SORCS2: variants seen among roughly 807,000 people sequenced by gnomAD.
The protein encoded by SORCS2 is sortilin related VPS10 domain containing receptor 2, also known as VPS10 domain-containing receptor SorCS2.
SORCS2 carries 100 observed loss-of-function variants against 141.6 expected under a neutral mutation model. That is an observed-to-expected ratio of 0.71 (90% CI 0.60 to 0.83). SORCS2 has a LOEUF of 0.83. SORCS2 is among the 40% of genes least tolerant of loss of function. The pLI, the probability that SORCS2 is intolerant of heterozygous loss-of-function variation, is 0.00. For synonymous variants in SORCS2, 789 were observed against 676.9 expected, an observed-to-expected ratio of 1.17 and a Z score of -2.57; for missense variants, 1,646 against 1,560.2, an observed-to-expected ratio of 1.05 and a Z score of -0.93.
At chr4:7,709,039 T>TCC (rs1725657255) in intron 14 of SORCS2, among the ~76,000 whole-genome samples, 1 of 152,156 alleles carries the variant, frequency 6.6e-6, no homozygotes, top group Non-Finnish European at 1.5e-5. Context: ...GTCCTGCCTT[T>TCC]TCCTGCAGCT....
chr4:7,689,890 G>C (rs1724110335), intron 11 of SORCS2, among the ~76,000 whole-genome samples: 1 of 142,682 alleles, frequency 7.0e-6, no homozygotes, highest in Non-Finnish European at 1.6e-5. Flanking sequence ...GTGGATGGTG[G>C]ATGAATGATG....
intron 19 of SORCS2, among the ~76,000 whole-genome samples, chr4:7,724,215 T>C (rs1361759277): frequency 1.4e-5 from 2 of 148,116 alleles, no homozygotes; most frequent in Non-Finnish European, 3.0e-5. Context: ...GTACTAATGA[T>C]GATTATAGTG....
At chr4:7,379,426 AG>A (rs1426288460) in intron 1 of SORCS2, among the ~76,000 whole-genome samples, 1 of 152,118 alleles carries the variant, frequency 6.6e-6, no homozygotes, top group African/African-American at 2.4e-5. Context: ...AAGCGTGAGG[AG>A]GGCCTTCGGG....
At chr4:7,351,978 A>G (rs1720969495) in intron 1 of SORCS2, among the ~76,000 whole-genome samples, 2 of 151,940 alleles carry the variant, frequency 1.3e-5, no homozygotes, top group Non-Finnish European at 2.9e-5. Flanking sequence ...TCGCCTGTCC[A>G]TCTATCATCC....
Position 7,714,981 on chromosome 4 carries a change from A to C in SORCS2, c.2124-202A>C, listed in dbSNP as rs1463165048. 2.0e-5 allele frequency among the ~76,000 whole-genome samples: 3 copies of C among 152,092 alleles called. No homozygotes were observed. The East Asian group carries it at 5.8e-4, about 29-fold the overall frequency. On this transcript the variant is annotated intron_variant, in intron 16 of 26. Transcript: ENST00000507866. ...GCCCTCCAGGTTTCTCTGAGTTCAC[A>C]GCATCCCTTTGCCTCCCTTGTTACC...
intron 2 of SORCS2, among the ~76,000 whole-genome samples, chr4:7,510,870 T>C (rs1732597934): frequency 6.6e-6 from 1 of 152,192 alleles, no homozygotes; most frequent in Non-Finnish European, 1.5e-5. Flanking sequence ...TCACAGCACA[T>C]TGGCCGCCTG....
intron 4 of SORCS2, among the ~76,000 whole-genome samples, chr4:7,641,091 C>G (rs934476765): frequency 2.0e-5 from 3 of 152,204 alleles, no homozygotes; most frequent in Non-Finnish European, 2.9e-5. Context: ...TGTGCCACCG[C>G]AGGCCAGCTT....
rs182338110 is a variant in SORCS2, at chr4:7,296,811, C to G, written c.481-99477C>G. Among the ~76,000 whole-genome samples the G allele has an allele frequency of 4.3e-3, 648 of 152,308 alleles. 4 individuals carry two copies. The highest frequency in any genetic ancestry group is 0.015 in the African/African-American group (606 of 41,568). On this transcript the variant is annotated intron_variant, in intron 1 of 26. Coordinates refer to ENST00000507866, the MANE Select transcript of SORCS2 (RefSeq NM_020777.3). ...GAGAGGTGACCCCCCAACACACATA[C>G]ACACACTGCGTGGCTTCCCTCTATC...
intron 2 of SORCS2, among the ~76,000 whole-genome samples, chr4:7,460,607 T>G (rs1204344124): frequency 6.6e-6 from 1 of 152,222 alleles, no homozygotes; most frequent in Non-Finnish European, 1.5e-5. Context: ...TGGGAACAGC[T>G]GCAGGCATGT....
At chr4:7,388,410 G>A (rs1055318802) in intron 1 of SORCS2, among the ~76,000 whole-genome samples, 2 of 152,126 alleles carry the variant, frequency 1.3e-5, no homozygotes, top group Non-Finnish European at 2.9e-5. Flanking sequence ...AGGGGAAATG[G>A]AGGCTTTGAA....
In SORCS2 at chr4:7,434,237, A is replaced by G. The variant is rs748861306; in HGVS notation, c.548+37882A>G. Reference sequence around the variant, plus strand: ...AGGACGGCCAGGCCAGGCCCCAAGGACTCACACTGCTCCTGGATGTTCAAG... The same window carrying G: ...AGGACGGCCAGGCCAGGCCCCAAGGGCTCACACTGCTCCTGGATGTTCAAG... On this transcript the variant is annotated intron_variant, in intron 2 of 26. Transcript: ENST00000507866. 3.8e-5 allele frequency: 61 copies of G among 1,613,418 alleles called. No individual in the cohort carries two copies. Among genetic ancestry groups the G allele is most frequent in the Non-Finnish European group, 4.7e-5 (56 of 1,179,898 alleles).
chr4:7,489,195 C>T (rs560842883), intron 2 of SORCS2, among the ~76,000 whole-genome samples: 2 of 152,278 alleles, frequency 1.3e-5, no homozygotes, highest in East Asian at 3.9e-4. Context: ...GGTTCCTTGA[C>T]CTTCTGTCTT....
intron 1 of SORCS2, among the ~76,000 whole-genome samples, chr4:7,270,025 G>A (rs989271817): frequency 6.6e-6 from 1 of 152,216 alleles, no homozygotes; most frequent in Non-Finnish European, 1.5e-5. Context: ...GACTACAAGT[G>A]CCTGCCACCA....
rs1348813741 is a variant in SORCS2, at chr4:7,257,554, AG to A, written c.480+64430del. Among the ~76,000 whole-genome samples the A allele has an allele frequency of 2.0e-5, 3 of 152,106 alleles. No homozygotes were observed. The East Asian group carries it at 5.8e-4, about 30-fold the overall frequency. On this transcript the variant is annotated intron_variant, in intron 1 of 26. Transcript: ENST00000507866. ...GCCCCTTCTCCCTCTCCTGCCCCAC[AG>A]GTCTCCCAGATGTTCAAATAGCTTG...
At chr4:7,492,353 C>T (rs1462120123) in intron 2 of SORCS2, among the ~76,000 whole-genome samples, 1 of 152,200 alleles carries the variant, frequency 6.6e-6, no homozygotes, top group Non-Finnish European at 1.5e-5. Context: ...TGGCTTGTTT[C>T]ACTTAGCACC....
chr4:7,423,590 A>G (rs1726232145), intron 2 of SORCS2, among the ~76,000 whole-genome samples: 1 of 152,106 alleles, frequency 6.6e-6, no homozygotes, highest in East Asian at 1.9e-4. Context: ...GAGACTGGAC[A>G]TTTCATTTGT....
chr4:7,676,997 C>A (rs1245463019), intron 9 of SORCS2, among the ~76,000 whole-genome samples: 1 of 143,256 alleles, frequency 7.0e-6, no homozygotes, highest in Admixed American at 7.0e-5. Context: ...CCTTCCTCTC[C>A]CTCTCTGTGT....
At position 7,556,832 on chromosome 4, in the gene SORCS2, C is replaced by T. The variant is rs1234349688; in HGVS notation, c.648+25203C>T. ...CCCATCATCCATCCATCTACCCATC[C>T]ATCCACCTACCACCCATCCATCCAG... On this transcript the variant is annotated intron_variant, in intron 3 of 26. Transcript: ENST00000507866. Among the ~76,000 whole-genome samples the T allele has an allele frequency of 2.0e-5, 3 of 150,210 alleles. No individual in the cohort carries two copies. In the South Asian group the frequency reaches 6.4e-4, roughly 32 times the overall value.
chr4:7,391,516 AGGGGGT>A (rs1193666702), intron 1 of SORCS2, among the ~76,000 whole-genome samples: 1 of 152,086 alleles, frequency 6.6e-6, no homozygotes, highest in Non-Finnish European at 1.5e-5. Context: ...TGTGGTGATC[AGGGGGT>A]GGGGCTCCAT....
Sources: allele counts gnomAD v4.1 joint callset (sites outside exome capture counted in the v4.1 genomes callset), GRCh38; gene constraint gnomAD v4.1.1; transcripts MANE v1.5; gene names NCBI Gene and HGNC (gene_info 2026-07-23, HGNC 2026-07-21).